NKAIN2: variants seen among roughly 807,000 people sequenced by gnomAD.
NKAIN2 encodes sodium/potassium-transporting ATPase subunit beta-1-interacting protein 2.
Under a neutral mutation model 32.6 loss-of-function variants are expected in NKAIN2, and 14 were observed. That is an observed-to-expected ratio of 0.43 (90% CI 0.28 to 0.67). The LOEUF is 0.67. NKAIN2 is among the 30% of genes least tolerant of loss of function. The pLI is 0.17. For synonymous variants in NKAIN2, 80 were observed against 87.2 expected (o/e 0.92, Z 0.46); for missense variants, 198 against 258.3 (o/e 0.77, Z 1.60).
At chr6:124,625,487 T>C (rs1192486310) in intron 3 of NKAIN2, among the ~76,000 whole-genome samples, 3 of 152,164 alleles carry the variant, frequency 2.0e-5, no homozygotes, top group Non-Finnish European at 4.4e-5. Context: ...TTCATTTTTA[T>C]CTGGGGAAAG....
At chr6:124,279,335 G>A (rs927398992) in intron 1 of NKAIN2, among the ~76,000 whole-genome samples, 6 of 151,822 alleles carry the variant, frequency 4.0e-5, no homozygotes, top group African/African-American at 1.2e-4. Context: ...GTGAAACCCC[G>A]TCTCTACTAA....
chr6:124,203,346 C>G (rs951222796), intron 1 of NKAIN2, among the ~76,000 whole-genome samples: 12 of 151,742 alleles, frequency 7.9e-5, no homozygotes, highest in Non-Finnish European at 1.5e-4. Flanking sequence ...ACTGAGATAG[C>G]TGTATTAAAA....
At chr6:124,077,756 C>T (rs1470823388) in intron 1 of NKAIN2, among the ~76,000 whole-genome samples, 1 of 151,130 alleles carries the variant, frequency 6.6e-6, no homozygotes, top group African/African-American at 2.4e-5. Context: ...ACCACCACAC[C>T]CAGCTATTTT....
At chr6:123,957,736 T>A (rs1399921193) in intron 1 of NKAIN2, among the ~76,000 whole-genome samples, 1 of 152,220 alleles carries the variant, frequency 6.6e-6, no homozygotes, top group Non-Finnish European at 1.5e-5. Context: ...AAGAGGTGTG[T>A]CTTTATTATG....
At position 124,726,727 on chromosome 6, in the gene NKAIN2, GAGA is replaced by G. The variant is rs1406757873; in HGVS notation, c.475-64606_475-64604del. ...ATGGAGAATGACTTTGATGAGCTGA[GAGA>G]AGAAGGCTTCAGACGATCAAATTAC... On this transcript the variant is annotated intron_variant, in intron 4 of 6. Coordinates refer to ENST00000368417, the MANE Select transcript of NKAIN2 (RefSeq NM_001040214.3). Among the ~76,000 whole-genome samples, 93 of 145,440 alleles carry G rather than the reference GAGA, an allele frequency of 6.4e-4. 1 individual carries two copies. Among genetic ancestry groups the G allele is most frequent in the African/African-American group, 2.3e-3 (89 of 39,066 alleles).
chr6:123,873,935 AT>A (rs1171490122), intron 1 of NKAIN2, among the ~76,000 whole-genome samples: 1 of 151,898 alleles, frequency 6.6e-6, no homozygotes, highest in Admixed American at 6.6e-5. Flanking sequence ...CTGTTTGTTT[AT>A]TTATTTATTT....
At chr6:124,304,093 G>A (rs189846769) in intron 2 of NKAIN2, among the ~76,000 whole-genome samples, 80 of 152,242 alleles carry the variant, frequency 5.3e-4, no homozygotes, top group African/African-American at 1.8e-3. Flanking sequence ...TGCCAATCAA[G>A]CAGGAATGTA....
intron 3 of NKAIN2, among the ~76,000 whole-genome samples, chr6:124,512,979 GA>G (rs1023911355): frequency 6.6e-5 from 10 of 151,148 alleles, no homozygotes; most frequent in South Asian, 4.2e-4. Context: ...TGAGGCTGTT[GA>G]AAAAAAAATT....
At chr6:124,145,022 A>C (rs1432133739) in intron 1 of NKAIN2, among the ~76,000 whole-genome samples, 1 of 152,250 alleles carries the variant, frequency 6.6e-6, no homozygotes, top group Non-Finnish European at 1.5e-5. Flanking sequence ...AAGCACATGA[A>C]AAGATGTTTA....
intron 4 of NKAIN2, among the ~76,000 whole-genome samples, chr6:124,666,946 T>G (rs1036394410): frequency 6.6e-6 from 1 of 152,162 alleles, no homozygotes; most frequent in Non-Finnish European, 1.5e-5. Context: ...TTATTTTCTC[T>G]TTAGCTCAGT....
Position 124,155,963 on chromosome 6 carries a change from GA to G in NKAIN2, c.55-127027del, listed in dbSNP as rs112070072. 4.7e-3 allele frequency among the ~76,000 whole-genome samples: 592 copies of G among 125,720 alleles called. 1 individual carries two copies. The highest frequency in any genetic ancestry group is 0.013 in the Middle Eastern group (3 of 230). 82.5% of individuals were successfully genotyped at this position (125,720 alleles called of 152,430 possible). On this transcript the variant is annotated intron_variant, in intron 1 of 6. Coordinates refer to ENST00000368417, the MANE Select transcript of NKAIN2 (RefSeq NM_001040214.3). The stretch of plus-strand genomic sequence containing the variant: ...GCAAATGCTGGGAAGACAGAGAATG[GA>G]AAAAAAAAAAAAAAGGGATACTAGG...
chr6:124,074,072 C>G (rs1783582347), intron 1 of NKAIN2, among the ~76,000 whole-genome samples: 1 of 152,138 alleles, frequency 6.6e-6, no homozygotes. Flanking sequence ...GTAAAAGGTT[C>G]ATGGGGCAAA....
At chr6:124,143,910 T>A (rs956885669) in intron 1 of NKAIN2, among the ~76,000 whole-genome samples, 1 of 152,162 alleles carries the variant, frequency 6.6e-6, no homozygotes, top group Admixed American at 6.5e-5. Flanking sequence ...GGCTTGTATA[T>A]AACTATAACT....
At chr6:124,092,090 C>A (rs1483729692) in intron 1 of NKAIN2, among the ~76,000 whole-genome samples, 4 of 151,992 alleles carry the variant, frequency 2.6e-5, no homozygotes, top group African/African-American at 7.2e-5. Context: ...TGCCCTTTCA[C>A]CTCAAGTAAG....
intron 2 of NKAIN2, among the ~76,000 whole-genome samples, chr6:124,293,052 A>G (rs1795890108): frequency 6.6e-6 from 1 of 152,090 alleles, no homozygotes; most frequent in South Asian, 2.1e-4. Flanking sequence ...ATCTCAGTCA[A>G]CTTCCTGAAT....
At chr6:123,842,933 C>T (rs1009182627) in intron 1 of NKAIN2, among the ~76,000 whole-genome samples, 1 of 152,168 alleles carries the variant, frequency 6.6e-6, no homozygotes, top group Non-Finnish European at 1.5e-5. Flanking sequence ...TACATACCTT[C>T]AGGGTGGCTG....
intron 1 of NKAIN2, among the ~76,000 whole-genome samples, chr6:124,121,687 T>C (rs1219003394): frequency 1.3e-5 from 2 of 152,114 alleles, no homozygotes; most frequent in African/African-American, 4.8e-5. Flanking sequence ...TAAGTTTTTC[T>C]AGGTAGCTAG....
At position 123,838,648 on chromosome 6, in the gene NKAIN2, G is replaced by A. The variant is rs528638012; in HGVS notation, c.54+34394G>A. Among the ~76,000 whole-genome samples, 30 of 152,256 alleles carry A rather than the reference G, an allele frequency of 2.0e-4. 1 individual carries two copies. In the East Asian group the frequency reaches 4.1e-3, roughly 21 times the overall value. ...AAATAAATGTGCTTCAGGCAAAAGA[G>A]TCTATCTACAGACACGCATAAAGTA... On this transcript the variant is annotated intron_variant, in intron 1 of 6. Coordinates refer to ENST00000368417, the MANE Select transcript of NKAIN2 (RefSeq NM_001040214.3).
chr6:124,217,791 AC>A (rs1444236619), intron 1 of NKAIN2, among the ~76,000 whole-genome samples: 2 of 151,764 alleles, frequency 1.3e-5, no homozygotes, highest in Non-Finnish European at 2.9e-5. Flanking sequence ...ATATGTACAC[AC>A]ACACACATAT....
Sources: gnomAD v4.1 joint callset for allele counts (sites outside exome capture counted in the v4.1 genomes callset) on GRCh38, gnomAD v4.1.1 for gene constraint, MANE v1.5 for transcripts, NCBI Gene and HGNC (gene_info 2026-07-23, HGNC 2026-07-21) for gene names.